PARD3B: variants seen among roughly 807,000 people sequenced by gnomAD.
PARD3B encodes the protein partitioning defective 3 homolog B.
PARD3B carries 103 observed loss-of-function variants against 130.2 expected under a neutral mutation model. The ratio of observed to expected loss-of-function variants is 0.79; its 90% confidence interval spans 0.67 to 0.93. PARD3B has a LOEUF of 0.93. PARD3B is among the 40% of genes least tolerant of loss of function. PARD3B has a pLI of 0.00. For synonymous variants in PARD3B, 583 were observed against 553.2 expected, an observed-to-expected ratio of 1.05 and a Z score of -0.76; for missense variants, 1,609 against 1,499.2, an observed-to-expected ratio of 1.07 and a Z score of -1.21.
intron 2 of PARD3B, among the ~76,000 whole-genome samples, chr2:204,790,153 AG>A (rs1298400687): frequency 6.6e-6 from 1 of 152,182 alleles, no homozygotes; most frequent in African/African-American, 2.4e-5. Context: ...TACAGGCATA[AG>A]CCACCATGCC....
At chr2:205,140,176 G>A (rs192383209) in intron 10 of PARD3B, among the ~76,000 whole-genome samples, 3 of 152,290 alleles carry the variant, frequency 2.0e-5, no homozygotes, top group East Asian at 1.9e-4. Flanking sequence ...AAGGCCCCTC[G>A]CTGTGTTAAA....
rs1279968508 is a variant in PARD3B, at chr2:205,241,233, C to T, written c.2141-4545C>T. Reference sequence around the variant, plus strand: ...AACAAGCATCCAAGCCAAAGAGTGTCCTCTTTATTAAGCACCTTATGATAA... The same window carrying T: ...AACAAGCATCCAAGCCAAAGAGTGTTCTCTTTATTAAGCACCTTATGATAA... On this transcript the variant is annotated intron_variant, in intron 15 of 22. Coordinates refer to ENST00000406610, the MANE Select transcript of PARD3B (RefSeq NM_001302769.2). The surrounding 1 kb of genome is among the most constrained non-coding windows in gnomAD (Gnocchi z 4.2). 6.6e-6 allele frequency among the ~76,000 whole-genome samples: 1 copy of T among 152,036 alleles called. No homozygotes were observed. Among genetic ancestry groups the T allele is most frequent in the African/African-American group, 2.4e-5 (1 of 41,420 alleles).
chr2:205,515,455 T>A (rs1575216861), intron 21 of PARD3B, among the ~76,000 whole-genome samples: 1 of 150,042 alleles, frequency 6.7e-6, no homozygotes, highest in Non-Finnish European at 1.5e-5. Context: ...ATTTACACTC[T>A]CACCAACAGT....
intron 1 of PARD3B, among the ~76,000 whole-genome samples, chr2:204,668,300 AGTT>A (rs2036118674): frequency 6.6e-6 from 1 of 152,206 alleles, no homozygotes; most frequent in Non-Finnish European, 1.5e-5. Context: ...TTAGATTAGA[AGTT>A]ATTATTGAAA....
chr2:205,520,897 G>A (rs144507880), intron 21 of PARD3B, among the ~76,000 whole-genome samples: 132 of 151,830 alleles, frequency 8.7e-4, no homozygotes, highest in Non-Finnish European at 1.6e-3. Flanking sequence ...ATTATTGGAC[G>A]TTTAAGTTGT....
intron 19 of PARD3B, among the ~76,000 whole-genome samples, chr2:205,418,493 G>T (rs1463951091): frequency 6.6e-6 from 1 of 152,126 alleles, no homozygotes; most frequent in Non-Finnish European, 1.5e-5. Flanking sequence ...CTGAAAGGGG[G>T]TTTAAAAATG....
rs1691151063 is a variant in PARD3B at position 204,965,449 on chromosome 2, T to A, written c.394+126T>A. 4.7e-6 allele frequency: 5 copies of A among 1,067,344 alleles called. No homozygotes were observed. The South Asian group carries it at 6.8e-5, about 14-fold the overall frequency. 66.1% of individuals were successfully genotyped at this position (1,067,344 alleles called of 1,614,324 possible). On this transcript the variant is annotated intron_variant, in intron 3 of 22. Coordinates refer to ENST00000406610, the MANE Select transcript of PARD3B (RefSeq NM_001302769.2). ...TTTATATCGTGGTTTATCTTTTCTT[T>A]AAATTATTTTTTTACATAGCTCTTT...
intron 18 of PARD3B, among the ~76,000 whole-genome samples, chr2:205,385,017 A>C (rs1447521163): frequency 6.6e-6 from 1 of 151,662 alleles, no homozygotes; most frequent in Non-Finnish European, 1.5e-5. Flanking sequence ...TAGAGCCTGT[A>C]TAATAGGTAT....
intron 2 of PARD3B, among the ~76,000 whole-genome samples, chr2:204,714,802 A>G (rs978214199): frequency 6.6e-6 from 1 of 152,214 alleles, no homozygotes; most frequent in African/African-American, 2.4e-5. Context: ...AGTCATCAGT[A>G]TCTACTACCT....
chr2:205,553,783 G>A (rs2052756473), intron 22 of PARD3B, among the ~76,000 whole-genome samples: 1 of 152,162 alleles, frequency 6.6e-6, no homozygotes, highest in Non-Finnish European at 1.5e-5. Flanking sequence ...TAAGCTTGGA[G>A]TTTCATGTGG....
chr2:205,110,010 G>T (rs1444798953), intron 5 of PARD3B, among the ~76,000 whole-genome samples: 2 of 152,016 alleles, frequency 1.3e-5, no homozygotes, highest in Non-Finnish European at 2.9e-5. Flanking sequence ...GAGGCACCAG[G>T]TCTTAATTAA....
intron 2 of PARD3B, among the ~76,000 whole-genome samples, chr2:204,870,845 T>C (rs1274280643): frequency 6.6e-6 from 1 of 152,148 alleles, no homozygotes; most frequent in Non-Finnish European, 1.5e-5. Flanking sequence ...CCATTTGTTT[T>C]TGGTTTCAGG....
intron 2 of PARD3B, among the ~76,000 whole-genome samples, chr2:204,941,033 C>T (rs958513813): frequency 6.6e-6 from 1 of 152,096 alleles, no homozygotes; most frequent in African/African-American, 2.4e-5. Flanking sequence ...ATTCAATTAA[C>T]GTGGGAGAGT....
In PARD3B at chr2:205,185,544, G is replaced by T. The variant is rs546705907; in HGVS notation, c.1925-220G>T. Among the ~76,000 whole-genome samples the T allele has an allele frequency of 2.6e-5, 4 of 152,292 alleles. No individual in the cohort carries two copies. In the East Asian group the frequency reaches 7.7e-4, roughly 29 times the overall value. On this transcript the variant is annotated intron_variant, in intron 13 of 22. Coordinates refer to ENST00000406610, the MANE Select transcript of PARD3B (RefSeq NM_001302769.2). Reference sequence around the variant, plus strand: ...GGAGTGGGTTTGCTAGGGGTTGCCTGCAGGTCACCAGTGTAAAAACATATT... The same window carrying T: ...GGAGTGGGTTTGCTAGGGGTTGCCTTCAGGTCACCAGTGTAAAAACATATT...
intron 16 of PARD3B, among the ~76,000 whole-genome samples, chr2:205,279,822 G>T (rs1013214079): frequency 2.0e-5 from 3 of 152,170 alleles, no homozygotes; most frequent in African/African-American, 7.2e-5. Context: ...ACCAGAGAGA[G>T]GCACGTTCTG....
intron 2 of PARD3B, among the ~76,000 whole-genome samples, chr2:204,932,509 AT>A (rs1355534151): frequency 6.6e-6 from 1 of 152,122 alleles, no homozygotes; most frequent in African/African-American, 2.4e-5. Flanking sequence ...AAAAAATGGT[AT>A]CCTTTCTCCA....
At chr2:204,936,226 G>A (rs903778532) in intron 2 of PARD3B, among the ~76,000 whole-genome samples, 16 of 152,378 alleles carry the variant, frequency 1.1e-4, no homozygotes, top group Middle Eastern at 3.4e-3. Context: ...CATGGGCCAC[G>A]TGCTGTGTGG....
chr2:205,560,731 A>G (rs1341008223), intron 22 of PARD3B, among the ~76,000 whole-genome samples: 1 of 152,176 alleles, frequency 6.6e-6, no homozygotes, highest in Non-Finnish European at 1.5e-5. Flanking sequence ...ACTTGGGAGA[A>G]AAAAAGGTCT....
chr2:204,871,755 T>C (rs1485124049), intron 2 of PARD3B, among the ~76,000 whole-genome samples: 1 of 152,138 alleles, frequency 6.6e-6, no homozygotes, highest in Admixed American at 6.6e-5. Context: ...GGTGTAATTC[T>C]GCATTATTTT....
Sources: allele counts gnomAD v4.1 joint callset (sites outside exome capture counted in the v4.1 genomes callset), GRCh38; gene constraint gnomAD v4.1.1; non-coding constraint Gnocchi (gnomAD v3.1); transcripts MANE v1.5; gene names NCBI Gene and HGNC (gene_info 2026-07-23, HGNC 2026-07-21).